Variants in COPS9 observed in about 807,000 individuals in gnomAD.
The protein encoded by COPS9 is COP9 signalosome subunit 9, also known as COP9 signalosome complex subunit 9.
Under a neutral mutation model 7.2 loss-of-function variants are expected in COPS9, and 8 were observed. The ratio of observed to expected loss-of-function variants is 1.11; its 90% CI spans 0.65 to 2.00. The LOEUF is 2.00. Among genes scored for constraint, COPS9 ranks in the 30% most tolerant of loss-of-function variants. COPS9 has a pLI of 0.00. For synonymous variants in COPS9, 39 were observed against 28.7 expected (o/e 1.36, Z -1.14); for missense variants, 74 against 77.7 (o/e 0.95, Z 0.18).
chr2:240,135,087 T>C lies in COPS9; in HGVS notation c.64-1082A>G, dbSNP rs540527968. Among the ~76,000 whole-genome samples the C allele has an allele frequency of 4.1e-4, 63 of 152,124 alleles. No individual in the cohort carries two copies. The South Asian group carries it at 0.013, about 32-fold the overall frequency. On this transcript the variant is annotated intron_variant, in intron 1 of 2. Transcript: ENST00000607357. ...CACAGAGCCACCCTCTTTAGCATGG[T>C]TCCAGATGGTTTCACGATCTGGGTA...
chr2:240,133,262 T>C (rs959980129), intron 2 of COPS9, among the ~76,000 whole-genome samples: 2 of 152,228 alleles, frequency 1.3e-5, no homozygotes, highest in Non-Finnish European at 2.9e-5. Flanking sequence ...TTTGAACCCT[T>C]AGTAAAGGTT....
downstream of COPS9, chr2:240,126,787 T>C: frequency 6.2e-7 from 1 of 1,614,234 alleles, no homozygotes; most frequent in South Asian, 1.1e-5. Context: ...AAGCGTCCTG[T>C]GCCCATTTTC....
downstream of COPS9, among the ~76,000 whole-genome samples, chr2:240,130,358 G>A (rs1229692464): frequency 3.3e-5 from 5 of 152,290 alleles, no homozygotes; most frequent in South Asian, 2.1e-4. Flanking sequence ...AGCCAGTATC[G>A]ACTACTGAGC....
Position 240,136,269 on chromosome 2 carries a change from C to T in COPS9, c.16G>A (p.Asp6Asn). Residue 6 changes from aspartate (D) to asparagine (N), a missense_variant, in exon 1 of 3, where the codon GAC becomes AAC. Coordinates refer to ENST00000607357, the MANE Select transcript of COPS9 (RefSeq NM_001163424.2). MKPAV[D>N]EMFPEGAGPY... ...CCGGCGCCCTCGGGGAACATCTCGTCCACCGCCGGCTTCATCTCGGGGCCG... is the reference window on the plus strand; with the variant it reads ...CCGGCGCCCTCGGGGAACATCTCGTTCACCGCCGGCTTCATCTCGGGGCCG... The T allele has an allele frequency of 1.9e-6, 3 of 1,571,282 alleles. No individual in the cohort carries two copies. The highest frequency in any genetic ancestry group is 2.6e-6 in the Non-Finnish European group (3 of 1,162,524).
intron 1 of COPS9, 135 bp downstream of exon 1, chr2:240,136,087 C>G: frequency 7.9e-7 from 1 of 1,269,900 alleles, no homozygotes; most frequent in Non-Finnish European, 1.0e-6. Context: ...CTCCGCGGGG[C>G]AGGGAGCCTG....
At chr2:240,127,517 C>A (rs2071878818), downstream of COPS9, among the ~76,000 whole-genome samples, 1 of 152,168 alleles carries the variant, frequency 6.6e-6, no homozygotes. Flanking sequence ...AAATTTGTGT[C>A]CCCTCAAAAT....
At position 240,132,314 on chromosome 2, in the gene COPS9, G is replaced by A. The variant is rs943130456; in HGVS notation, c.137-1226C>T. ...AACAGCCCAGCAAACCCATCTGTTT[G>A]ACGAGTAAAAAGGACTTAGCAAAAG... On this transcript the variant is annotated intron_variant, in intron 2 of 2. Coordinates refer to ENST00000607357, the MANE Select transcript of COPS9 (RefSeq NM_001163424.2). This position sits in a 1 kb window ranked among gnomAD's most constrained non-coding sequence, Gnocchi z 4.1. Among the ~76,000 whole-genome samples the A allele has an allele frequency of 3.3e-5, 5 of 152,204 alleles. No individual in the cohort carries two copies. In the East Asian group the frequency reaches 9.6e-4, roughly 29 times the overall value.
At chr2:240,130,180 G>A (rs550071376), downstream of COPS9, 5 of 626,180 alleles carry the variant, frequency 8.0e-6, no homozygotes, top group Non-Finnish European at 1.1e-5. Context: ...AACATGACAA[G>A]GTGACACCCT....
downstream of COPS9, among the ~76,000 whole-genome samples, chr2:240,128,785 C>T (rs535569292): frequency 2.0e-4 from 31 of 152,202 alleles, no homozygotes; most frequent in African/African-American, 6.5e-4. Flanking sequence ...CGGTGACAGC[C>T]GAGTCACACG....
intron 1 of COPS9, 84 bp from the exon 2 acceptor site, chr2:240,134,089 C>A: frequency 1.6e-6 from 2 of 1,273,942 alleles, no homozygotes; most frequent in Admixed American, 1.9e-5. Flanking sequence ...ACTACCCCCA[C>A]AAAAAAAGAA....
chr2:240,133,597 G>T (rs990688017), intron 2 of COPS9, among the ~76,000 whole-genome samples: 6 of 152,226 alleles, frequency 3.9e-5, no homozygotes, highest in African/African-American at 1.4e-4. Flanking sequence ...AGACAGATGG[G>T]GTTCCTATGG....
Position 240,132,038 on chromosome 2 carries a change from C to T in COPS9, c.137-950G>A, listed in dbSNP as rs1187256570. ...TGCCTCCCGACTGCTGGTTGTGGTTCGCCGCTAGGAGCACTTTTGCGCAGT... is the reference window on the plus strand; with the variant it reads ...TGCCTCCCGACTGCTGGTTGTGGTTTGCCGCTAGGAGCACTTTTGCGCAGT... On this transcript the variant is annotated intron_variant, in intron 2 of 2. Coordinates refer to ENST00000607357, the MANE Select transcript of COPS9 (RefSeq NM_001163424.2). This position sits in a 1 kb window ranked among gnomAD's most constrained non-coding sequence, Gnocchi z 4.1. Among the ~76,000 whole-genome samples, 1 of 152,196 alleles carries T rather than the reference C, an allele frequency of 6.6e-6. No homozygotes were observed. The highest frequency in any genetic ancestry group is 1.5e-5 in the Non-Finnish European group (1 of 68,036).
downstream of COPS9, among the ~76,000 whole-genome samples, chr2:240,127,444 C>T (rs1473264864): frequency 6.6e-6 from 1 of 152,178 alleles, no homozygotes; most frequent in African/African-American, 2.4e-5. Context: ...CTTTGGGTGG[C>T]GTGGCACTGC....
chr2:240,129,785 C>T (rs1045273693), downstream of COPS9: 37 of 723,106 alleles, frequency 5.1e-5, no homozygotes, highest in Admixed American at 1.7e-4. Flanking sequence ...GTGCAGACGA[C>T]GTGCACGCCT....
At chr2:240,135,370 C>T (rs1423299244) in intron 1 of COPS9, among the ~76,000 whole-genome samples, 1 of 152,170 alleles carries the variant, frequency 6.6e-6, no homozygotes, top group African/African-American at 2.4e-5. Flanking sequence ...GGTGCGCCTT[C>T]GGCTTTCTAT....
intron 1 of COPS9, among the ~76,000 whole-genome samples, chr2:240,135,324 G>C (rs1274597343): frequency 1.3e-5 from 2 of 152,070 alleles, no homozygotes; most frequent in Admixed American, 1.3e-4. Flanking sequence ...CTGTACCTTT[G>C]CTGAGCCCCC....
chr2:240,130,331 C>T (rs763434121), downstream of COPS9, among the ~76,000 whole-genome samples: 9 of 152,224 alleles, frequency 5.9e-5, no homozygotes, highest in Non-Finnish European at 8.8e-5. Flanking sequence ...TGTCAAACAG[C>T]AACTTCACTG....
downstream of COPS9, among the ~76,000 whole-genome samples, chr2:240,128,806 A>AT (rs1170680397): frequency 6.6e-6 from 1 of 152,194 alleles, no homozygotes; most frequent in Admixed American, 6.5e-5. Context: ...GAGATGAGGA[A>AT]GAAAAACAGG....
chr2:240,131,426 C>G (rs2071921989), intron 2 of COPS9, among the ~76,000 whole-genome samples: 1 of 152,242 alleles, frequency 6.6e-6, no homozygotes, highest in African/African-American at 2.4e-5. Context: ...CCCACGAGTG[C>G]ACGGGCACCC....
Sources: allele counts gnomAD v4.1 joint callset (sites outside exome capture counted in the v4.1 genomes callset), GRCh38; gene constraint gnomAD v4.1.1; non-coding constraint Gnocchi (gnomAD v3.1); transcripts MANE v1.5; gene names NCBI Gene and HGNC (gene_info 2026-07-23, HGNC 2026-07-21).